STX12: variants seen among roughly 807,000 people sequenced by gnomAD.
STX12 encodes the protein syntaxin-12.
STX12 carries 17 observed loss-of-function variants against 42.2 expected under a neutral mutation model. The ratio of observed to expected loss-of-function variants is 0.40; its 90% CI spans 0.28 to 0.60. The LOEUF is 0.60. Ranked by LOEUF, STX12 falls within the 20% of genes least tolerant of loss-of-function variation. The pLI is 0.39. For missense variants in STX12, 297 were observed against 330.9 expected (o/e 0.90, Z 0.79); for synonymous variants, 108 against 116.7 (o/e 0.93, Z 0.48).
intron 6 of STX12, among the ~76,000 whole-genome samples, chr1:27,815,745 CA>C (rs2088936915): frequency 1.3e-5 from 2 of 152,140 alleles, no homozygotes; most frequent in South Asian, 4.1e-4. Context: ...AAATGCTTGC[CA>C]GGTTATGATT....
chr1:27,816,200 G>C (rs1037374857), intron 6 of STX12, among the ~76,000 whole-genome samples: 1 of 152,088 alleles, frequency 6.6e-6, no homozygotes, highest in Non-Finnish European at 1.5e-5. Flanking sequence ...TGTAATCCCA[G>C]GTACCTGGGA....
At chr1:27,804,667 C>T (rs975807553) in intron 4 of STX12, among the ~76,000 whole-genome samples, 17 of 151,728 alleles carry the variant, frequency 1.1e-4, no homozygotes, top group South Asian at 4.2e-4. Context: ...AAAAATTAGC[C>T]GGGCATGGTG....
intron 1 of STX12, among the ~76,000 whole-genome samples, chr1:27,785,687 G>T (rs892171626): frequency 6.6e-6 from 1 of 152,136 alleles, no homozygotes; most frequent in Admixed American, 6.6e-5. Context: ...GTCTGGCTTA[G>T]ATTTCAGGCC....
chr1:27,814,573 G>A (rs903872455), intron 6 of STX12, among the ~76,000 whole-genome samples: 5 of 151,968 alleles, frequency 3.3e-5, no homozygotes, highest in Admixed American at 1.3e-4. Context: ...TACTAGCCGG[G>A]CGCGGTGGCT....
In STX12 at chr1:27,792,158, C is replaced by CTATATATGTATATACATATATATG. The variant is rs1557800943; in HGVS notation, c.189-1371_189-1348dup. ...TATGTATATATCTATATATGTGTAT[C>CTATATATGTATATACATATATATG]TATATATGTATATACATATATATGT... On this transcript the variant is annotated intron_variant, in intron 2 of 8. Coordinates refer to ENST00000373943, the MANE Select transcript of STX12 (RefSeq NM_177424.3). Among the ~76,000 whole-genome samples the CTATATATGTATATACATATATATG allele has an allele frequency of 3.0e-3, 302 of 100,126 alleles. 63 individuals are homozygous for CTATATATGTATATACATATATATG. The highest frequency in any genetic ancestry group is 0.019 in the African/African-American group (282 of 14,492). 65.7% of individuals were successfully genotyped at this position (100,126 alleles called of 152,430 possible).
rs1231346303 is a variant in STX12, at chr1:27,822,251, G to A, written c.753G>A (p.Met251Ile). Residue 251 changes from methionine (M) to isoleucine (I), a missense_variant, in exon 9 of 9, where the codon ATG (methionine) becomes ATA (isoleucine). Transcript: ENST00000373943. ...AYYQKKSRKK[M>I]CILVLVLSVI... ...CTCAGAAAAAATCTCGCAAGAAGAT[G>A]TGTATCCTGGTGCTTGTCCTGTCAG... 3.1e-6 allele frequency: 5 copies of A among 1,612,486 alleles called. No individual in the cohort carries two copies. The highest frequency in any genetic ancestry group is 1.1e-5 in the South Asian group (1 of 91,028).
Position 27,819,645 on chromosome 1 carries a change from T to C in STX12, c.650-5T>C. The C allele has an allele frequency of 6.2e-7, 1 of 1,613,424 alleles. No homozygotes were observed. Among genetic ancestry groups the C allele is most frequent in the Non-Finnish European group, 8.5e-7 (1 of 1,179,490 alleles). Reference sequence around the variant, plus strand: ...TTAAAACATCCTCTGTCCTTCCTTTTGCAGATAGCATAGAAGCCAATGTGG... The same window carrying C: ...TTAAAACATCCTCTGTCCTTCCTTTCGCAGATAGCATAGAAGCCAATGTGG... On this transcript the variant is annotated splice_region_variant and splice_polypyrimidine_tract_variant and intron_variant, in intron 7 of 8. Coordinates refer to ENST00000373943, the MANE Select transcript of STX12 (RefSeq NM_177424.3).
chr1:27,793,983 C>G (rs922767244), intron 3 of STX12, among the ~76,000 whole-genome samples: 1 of 148,218 alleles, frequency 6.7e-6, no homozygotes, highest in Non-Finnish European at 1.5e-5. Context: ...TAGGCTTCCT[C>G]CTTTCTCCTA....
chr1:27,799,219 A>G (rs2088809930), intron 3 of STX12, among the ~76,000 whole-genome samples: 1 of 152,144 alleles, frequency 6.6e-6, no homozygotes, highest in Non-Finnish European at 1.5e-5. Context: ...CCCCACCACC[A>G]GTCAAAATGT....
At chr1:27,802,226 T>C (rs1467704487) in intron 4 of STX12, among the ~76,000 whole-genome samples, 1 of 152,148 alleles carries the variant, frequency 6.6e-6, no homozygotes, top group Non-Finnish European at 1.5e-5. Context: ...AATATTAAGG[T>C]AAAGCCTGAG....
At chr1:27,794,603 A>G (rs1470066689) in intron 3 of STX12, among the ~76,000 whole-genome samples, 2 of 152,156 alleles carry the variant, frequency 1.3e-5, no homozygotes, top group Non-Finnish European at 2.9e-5. Context: ...TTGACTTGTC[A>G]TTCATGATCT....
intron 2 of STX12, among the ~76,000 whole-genome samples, chr1:27,790,298 A>C (rs991316738): frequency 1.3e-5 from 2 of 152,194 alleles, no homozygotes; most frequent in African/African-American, 2.4e-5. Flanking sequence ...AGCAGCAGCA[A>C]GATTTACTGT....
chr1:27,808,771 C>T (rs2088881938), intron 4 of STX12, among the ~76,000 whole-genome samples: 1 of 152,102 alleles, frequency 6.6e-6, no homozygotes, highest in Non-Finnish European at 1.5e-5. Flanking sequence ...CTGAAAGATT[C>T]GATTGCTAGT....
At chr1:27,818,633 C>CT (rs201465138) in intron 7 of STX12, among the ~76,000 whole-genome samples, 1,520 of 143,220 alleles carry the variant, frequency 0.011, 19 homozygotes, top group African/African-American at 0.026. Flanking sequence ...GTTAGTAACC[C>CT]TTTTTTTTTT....
At chr1:27,781,009 G>A (rs2088664623) in intron 1 of STX12, among the ~76,000 whole-genome samples, 1 of 151,992 alleles carries the variant, frequency 6.6e-6, no homozygotes, top group African/African-American at 2.4e-5. Context: ...TGCCTGCCTG[G>A]CACATAGCAG....
chr1:27,792,244 CTA>C lies in STX12; in HGVS notation c.189-1281_189-1280del, dbSNP rs201129747. On this transcript the variant is annotated intron_variant, in intron 2 of 8. Transcript: ENST00000373943. ...TATATGTATATACATATATATGTAT[CTA>C]TATATATGTAGATACATATATATGT... is the stretch of plus-strand genomic sequence containing the variant. Among the ~76,000 whole-genome samples the C allele has an allele frequency of 9.1e-3, 866 of 94,948 alleles. 19 individuals carry two copies. Among genetic ancestry groups the C allele is most frequent in the East Asian group, 0.016 (62 of 3,958 alleles). The allele number at this position is 94,948 out of a possible 152,430, so 62.3% of individuals were successfully genotyped here.
In STX12 at chr1:27,822,386, C is replaced by T; in HGVS notation, c.*57C>T. 1 of 1,105,794 alleles carries T rather than the reference C, an allele frequency of 9.0e-7. No individual in the cohort carries two copies. Among genetic ancestry groups the T allele is most frequent in the Non-Finnish European group, 1.4e-6 (1 of 716,540 alleles). The allele number at this position is 1,105,794 out of a possible 1,614,324, so 68.5% of individuals were successfully genotyped here. A position where few individuals can be genotyped will look rare whatever the true frequency, so the allele number is the denominator to read the frequency against. ...TTCAAGGGCAAGTGCTTGTTGAAGTCTTGCCAGAACAAACTGATCACAAGA... is the reference window on the plus strand; with the variant it reads ...TTCAAGGGCAAGTGCTTGTTGAAGTTTTGCCAGAACAAACTGATCACAAGA... On this transcript the variant is annotated 3_prime_UTR_variant, in exon 9 of 9. Transcript: ENST00000373943.
rs2088607610 is a variant in STX12 at position 27,773,294 on chromosome 1, C to CTCA, written c.-13_-11dup. The stretch of plus-strand genomic sequence containing the variant: ...GGAGAGCGGTGTAGAGCGAGCAGGT[C>CTCA]TCAGCTCCTCGTCATGTCATACGGT... On this transcript the variant is annotated 5_prime_UTR_variant, in exon 1 of 9. Coordinates refer to ENST00000373943, the MANE Select transcript of STX12 (RefSeq NM_177424.3). The CTCA allele has an allele frequency of 6.4e-7, 1 of 1,570,212 alleles. No individual in the cohort carries two copies. The highest frequency in any genetic ancestry group is 1.4e-5 in the African/African-American group (1 of 73,884).
chr1:27,811,925 G>C, intron 5 of STX12: 1 of 592,152 alleles, frequency 1.7e-6, no homozygotes, highest in South Asian at 1.5e-5. Context: ...AGTCCCATCC[G>C]TCATAATTCT....
Sources: gnomAD v4.1 joint callset for allele counts (sites outside exome capture counted in the v4.1 genomes callset) on GRCh38, gnomAD v4.1.1 for gene constraint, MANE v1.5 for transcripts, NCBI Gene and HGNC (gene_info 2026-07-23, HGNC 2026-07-21) for gene names.